Variants in FAM114A1 observed in about 807,000 individuals in gnomAD.
FAM114A1 encodes the protein family with sequence similarity 114 member A1, also known as protein NOXP20.
FAM114A1 carries 62 observed loss-of-function variants against 64.3 expected under a neutral mutation model. The observed-to-expected ratio is 0.96, with a 90% CI of 0.79 to 1.19. FAM114A1 has a LOEUF of 1.19. FAM114A1 is among the 50% of genes most tolerant of loss of function. The pLI is 0.00. For missense variants in FAM114A1, 645 were observed against 676.3 expected (o/e 0.95, Z 0.51); for synonymous variants, 254 against 251.1 (o/e 1.01, Z -0.11).
chr4:38,902,043 TA>T (rs928697643), intron 4 of FAM114A1, among the ~76,000 whole-genome samples: 65 of 152,254 alleles, frequency 4.3e-4, no homozygotes, highest in Non-Finnish European at 7.3e-4. Context: ...AAATGACATT[TA>T]ATCAACTATA....
intron 8 of FAM114A1, 106 bp from the exon 9 acceptor site, chr4:38,922,664 C>T: frequency 7.0e-7 from 1 of 1,425,472 alleles, no homozygotes; most frequent in South Asian, 1.4e-5. Context: ...CGATACCTCC[C>T]ACACCATGAA....
At chr4:38,907,620 A>C (rs564498751) in intron 6 of FAM114A1, among the ~76,000 whole-genome samples, 17 of 152,316 alleles carry the variant, frequency 1.1e-4, no homozygotes, top group Non-Finnish European at 1.8e-4. Flanking sequence ...TTGGCTCCCA[A>C]ATCTAAAAAC....
chr4:38,909,972 C>A (rs1718380060), intron 7 of FAM114A1, among the ~76,000 whole-genome samples: 1 of 152,150 alleles, frequency 6.6e-6, no homozygotes, highest in African/African-American at 2.4e-5. Flanking sequence ...GTGGCTCATG[C>A]CGGTAATCCC....
rs1471137316 is a variant in FAM114A1, at chr4:38,914,243, C to T, written c.793-678C>T. ...TTTTCAAGCATACATAAAACTCGCT[C>T]ATTATAGAAAATTTGGGGACTTTAG... On this transcript the variant is annotated intron_variant, in intron 7 of 14. Transcript: ENST00000358869. 7.9e-5 allele frequency among the ~76,000 whole-genome samples: 12 copies of T among 151,848 alleles called. No individual in the cohort carries two copies. In the South Asian group the frequency reaches 1.0e-3, roughly 13 times the overall value.
chr4:38,898,380 G>A (rs182545317), intron 4 of FAM114A1, among the ~76,000 whole-genome samples: 52 of 152,136 alleles, frequency 3.4e-4, no homozygotes, highest in African/African-American at 1.1e-3. Flanking sequence ...CTAGCAGCCC[G>A]GTCAGAAATG....
At chr4:38,877,351 C>T (rs1714742473) in intron 2 of FAM114A1, among the ~76,000 whole-genome samples, 2 of 152,242 alleles carry the variant, frequency 1.3e-5, no homozygotes, top group South Asian at 4.1e-4. Flanking sequence ...ACTAGATGCT[C>T]CCACCTGGGG....
intron 3 of FAM114A1, among the ~76,000 whole-genome samples, chr4:38,887,083 A>G (rs1029808373): frequency 6.6e-6 from 1 of 152,198 alleles, no homozygotes; most frequent in Non-Finnish European, 1.5e-5. Flanking sequence ...CATTTCCATA[A>G]TAATGAGAGG....
intron 13 of FAM114A1, among the ~76,000 whole-genome samples, chr4:38,940,413 T>G (rs942906838): frequency 6.6e-6 from 1 of 151,888 alleles, no homozygotes; most frequent in African/African-American, 2.4e-5. Flanking sequence ...GGGCTTAGAC[T>G]AGGTTAGGTG....
At chr4:38,913,675 C>G (rs773812372) in intron 7 of FAM114A1, among the ~76,000 whole-genome samples, 1 of 152,052 alleles carries the variant, frequency 6.6e-6, no homozygotes, top group Non-Finnish European at 1.5e-5. Context: ...CAGGTGTGAG[C>G]CACCGTGCCT....
intron 3 of FAM114A1, among the ~76,000 whole-genome samples, chr4:38,882,067 C>A (rs1268810001): frequency 6.6e-6 from 1 of 151,770 alleles, no homozygotes; most frequent in Non-Finnish European, 1.5e-5. Context: ...AATCCCAGCA[C>A]TTTGGGAGGC....
chr4:38,924,589 T>C (rs887234458), intron 9 of FAM114A1, among the ~76,000 whole-genome samples: 2 of 152,354 alleles, frequency 1.3e-5, no homozygotes, highest in Non-Finnish European at 2.9e-5. Flanking sequence ...ATGAGATTTA[T>C]GCTCATTGCA....
intron 4 of FAM114A1, among the ~76,000 whole-genome samples, chr4:38,902,407 G>T (rs539767707): frequency 1.3e-5 from 2 of 152,252 alleles, no homozygotes; most frequent in South Asian, 4.1e-4. Context: ...TTCAGAGAAT[G>T]CACAGCCGCA....
chr4:38,879,995 G>A (rs1407711270), intron 3 of FAM114A1, among the ~76,000 whole-genome samples: 1 of 151,826 alleles, frequency 6.6e-6, no homozygotes, highest in African/African-American at 2.4e-5. Context: ...GAACCCAGGT[G>A]GTCAAGGCTG....
chr4:38,913,668 G>T (rs1221607261), intron 7 of FAM114A1, among the ~76,000 whole-genome samples: 3 of 152,222 alleles, frequency 2.0e-5, no homozygotes, highest in East Asian at 3.9e-4. Flanking sequence ...AGAATTACAG[G>T]TGTGAGCCAC....
At chr4:38,923,075 C>T (rs1719763410) in intron 9 of FAM114A1, among the ~76,000 whole-genome samples, 182 bp downstream of exon 9, 2 of 152,150 alleles carry the variant, frequency 1.3e-5, no homozygotes, top group Admixed American at 6.5e-5. Context: ...GACTCTCTTT[C>T]ACTGGTCGGG....
intron 3 of FAM114A1, among the ~76,000 whole-genome samples, chr4:38,879,312 C>A (rs1303657534): frequency 6.6e-6 from 1 of 152,206 alleles, no homozygotes; most frequent in African/African-American, 2.4e-5. Context: ...CACAGATCAC[C>A]CCCTTGAGGT....
At chr4:38,883,979 A>G (rs536781085) in intron 3 of FAM114A1, among the ~76,000 whole-genome samples, 44 of 152,310 alleles carry the variant, frequency 2.9e-4, no homozygotes, top group Admixed American at 5.2e-4. Flanking sequence ...GCTCTACCCT[A>G]AGAGATTCTT....
Position 38,878,425 on chromosome 4 carries a change from T to C in FAM114A1, c.347T>C (p.Leu116Pro), listed in dbSNP as rs11555334. ...ATACCCCTGCAAGAACAGAATTATC[T>C]GGTAAGAATGGGTCATTCAATTCAC... ...SEIPLQEQNY[L>P]AVDSPPSGGG... Residue 116 changes from leucine to proline, a missense_variant and splice_region_variant, in exon 3 of 15, where the codon CTG becomes CCG. Coordinates refer to ENST00000358869, the MANE Select transcript of FAM114A1 (RefSeq NM_138389.4). The C allele has an allele frequency of 0.27, 417,882 of 1,575,556 alleles. 58,026 individuals are homozygous for C. Among genetic ancestry groups the C allele is most frequent in the African/African-American group, 0.31 (22,998 of 74,074 alleles).
intron 8 of FAM114A1, among the ~76,000 whole-genome samples, chr4:38,921,575 G>T (rs544061744): frequency 1.3e-5 from 2 of 152,230 alleles, no homozygotes; most frequent in African/African-American, 4.8e-5. Context: ...ACAAATAATT[G>T]TTAACTGTAT....
Sources: gnomAD v4.1 joint callset for allele counts (sites outside exome capture counted in the v4.1 genomes callset) on GRCh38, gnomAD v4.1.1 for gene constraint, MANE v1.5 for transcripts, NCBI Gene and HGNC (gene_info 2026-07-23, HGNC 2026-07-21) for gene names.